The following LAMC1 variants were observed in gnomAD, a reference collection of about 807,000 sequenced individuals.
LAMC1 encodes the protein laminin subunit gamma 1.
A neutral mutation model predicts 173.6 loss-of-function variants in LAMC1; 38 were observed. The ratio of observed to expected loss-of-function variants is 0.22; its 90% CI spans 0.17 to 0.29. LAMC1 has a LOEUF of 0.29. Ranked by LOEUF, LAMC1 falls within the 10% of genes least tolerant of loss-of-function variation. The pLI, the probability that LAMC1 is intolerant of heterozygous loss-of-function variation, is 1.00. For synonymous variants in LAMC1, 746 were observed against 749.1 expected, an observed-to-expected ratio of 1.00 and a Z score of 0.07; for missense variants, 1,824 against 2,051.8, an observed-to-expected ratio of 0.89 and a Z score of 2.14.
At chr1:183,122,459 C>T (rs1301960561) in intron 13 of LAMC1, among the ~76,000 whole-genome samples, 1 of 152,168 alleles carries the variant, frequency 6.6e-6, no homozygotes, top group Non-Finnish European at 1.5e-5. Flanking sequence ...CAACCAAGGG[C>T]TTTCATGTCA....
At chr1:183,135,228 T>C in intron 24 of LAMC1, 72 bp downstream of exon 24, 1 of 880,848 alleles carries the variant, frequency 1.1e-6, no homozygotes, top group East Asian at 2.6e-5. Context: ...ATCATGACTT[T>C]TACCATATTT....
intron 1 of LAMC1, among the ~76,000 whole-genome samples, chr1:183,065,960 C>T (rs993695340): frequency 6.6e-6 from 1 of 152,160 alleles, no homozygotes; most frequent in Admixed American, 6.5e-5. Flanking sequence ...CTTTATCAAG[C>T]TACTTTAATA....
chr1:183,128,801 G>T (rs757085724), intron 18 of LAMC1, 51 bp downstream of exon 18: 1 of 1,422,088 alleles, frequency 7.0e-7, no homozygotes, highest in Non-Finnish European at 9.4e-7. Context: ...CCAATCTTTA[G>T]ATGTGGCTCC....
intron 1 of LAMC1, among the ~76,000 whole-genome samples, chr1:183,053,226 T>C (rs1243636166): frequency 6.6e-6 from 1 of 152,218 alleles, no homozygotes; most frequent in African/African-American, 2.4e-5. Context: ...TAATAGATCA[T>C]ATTTTCCCCA....
intron 1 of LAMC1, among the ~76,000 whole-genome samples, chr1:183,030,959 T>C (rs181124162): frequency 1.1e-3 from 171 of 152,252 alleles, no homozygotes; most frequent in Non-Finnish European, 2.1e-3. Context: ...GAATACCCAC[T>C]ACACCCCAGC....
chr1:183,143,745 AAAAC>A lies in LAMC1; in HGVS notation c.*958_*961del, dbSNP rs1657181153. The A allele has an allele frequency of 6.6e-6, 1 of 152,220 alleles. No individual in the cohort carries two copies. The highest frequency in any genetic ancestry group is 1.5e-5 in the Non-Finnish European group (1 of 68,032). 9.4% of individuals were successfully genotyped at this position (152,220 alleles called of 1,614,324 possible). A position where few individuals can be genotyped will look rare whatever the true frequency, so the allele number is the denominator to read the frequency against. On this transcript the variant is annotated 3_prime_UTR_variant, in exon 28 of 28. Coordinates refer to ENST00000258341, the MANE Select transcript of LAMC1 (RefSeq NM_002293.4). Reference sequence around the variant, plus strand: ...CCTAAGGTCTTGACAAAACAGAAGAAAAACAAGCCTCCTCGTCCTAGTCTTTTCT... The same window carrying A: ...CCTAAGGTCTTGACAAAACAGAAGAAAAGCCTCCTCGTCCTAGTCTTTTCT...
intron 2 of LAMC1, among the ~76,000 whole-genome samples, chr1:183,104,663 A>C (rs973124340): frequency 1.3e-5 from 2 of 151,930 alleles, no homozygotes; most frequent in Non-Finnish European, 2.9e-5. Flanking sequence ...ATGTTCAGGG[A>C]CTCTCTTTCT....
chr1:183,049,626 G>A (rs762052108), intron 1 of LAMC1, among the ~76,000 whole-genome samples: 3 of 151,940 alleles, frequency 2.0e-5, no homozygotes, highest in Non-Finnish European at 4.4e-5. Context: ...ACCATGCCCA[G>A]CTCATTTTTG....
At chr1:183,058,689 T>C (rs1654664776) in intron 1 of LAMC1, among the ~76,000 whole-genome samples, 1 of 152,254 alleles carries the variant, frequency 6.6e-6, no homozygotes, top group African/African-American at 2.4e-5. Context: ...CTCCTAAGAC[T>C]GTTTATGTAG....
rs1173308849 is a variant in LAMC1 at position 183,142,884 on chromosome 1, C to G, written c.*94C>G. 1.5e-6 allele frequency: 2 copies of G among 1,301,934 alleles called. No individual in the cohort carries two copies. The highest frequency in any genetic ancestry group is 2.1e-6 in the Non-Finnish European group (2 of 940,818). 80.6% of individuals were successfully genotyped at this position (1,301,934 alleles called of 1,614,324 possible). ...CACAAAGATTACATTTTTCAGACCC[C>G]CACTCCTCTGCTGCTGTCCATGACT... On this transcript the variant is annotated 3_prime_UTR_variant, in exon 28 of 28. Coordinates refer to ENST00000258341, the MANE Select transcript of LAMC1 (RefSeq NM_002293.4).
intron 1 of LAMC1, among the ~76,000 whole-genome samples, chr1:183,081,698 G>A (rs1655282118): frequency 6.6e-6 from 1 of 152,102 alleles, no homozygotes; most frequent in Admixed American, 6.6e-5. Flanking sequence ...CATAGCCTCT[G>A]CAATTGTCAA....
intron 1 of LAMC1, among the ~76,000 whole-genome samples, chr1:183,025,558 A>G (rs1370892334): frequency 1.3e-5 from 2 of 152,232 alleles, no homozygotes; most frequent in African/African-American, 4.8e-5. Flanking sequence ...AGACATAGCT[A>G]GTGACCGAGG....
Position 183,023,681 on chromosome 1 carries a change from C to T in LAMC1, c.-36C>T, listed in dbSNP as rs1653597475. ...TAGGCGAGAGGAACGCGCCGGTGCC[C>T]TTGCCTTCGCCGTGACCCAGCGTGC... On this transcript the variant is annotated 5_prime_UTR_variant, in exon 1 of 28. Coordinates refer to ENST00000258341, the MANE Select transcript of LAMC1 (RefSeq NM_002293.4). 3.4e-6 allele frequency: 4 copies of T among 1,161,250 alleles called. No individual in the cohort carries two copies. The highest frequency in any genetic ancestry group is 3.2e-6 in the Non-Finnish European group (3 of 941,028). The allele number at this position is 1,161,250 out of a possible 1,614,324, so 71.9% of individuals were successfully genotyped here. A position where few individuals can be genotyped will look rare whatever the true frequency, so the allele number is the denominator to read the frequency against.
chr1:183,125,808 A>T (rs1244536425), intron 15 of LAMC1, among the ~76,000 whole-genome samples: 4 of 152,162 alleles, frequency 2.6e-5, no homozygotes, highest in Non-Finnish European at 4.4e-5. Flanking sequence ...TTTCTGAGGC[A>T]CTTAGAATCA....
In LAMC1 at chr1:183,144,336, T is replaced by C. The variant is rs1657198925; in HGVS notation, c.*1546T>C. The C allele has an allele frequency of 6.6e-6, 1 of 152,646 alleles. No individual in the cohort carries two copies. The highest frequency in any genetic ancestry group is 1.5e-5 in the Non-Finnish European group (1 of 68,048). The allele number at this position is 152,646 out of a possible 1,614,324, so 9.5% of individuals were successfully genotyped here. A position where few individuals can be genotyped will look rare whatever the true frequency, so the allele number is the denominator to read the frequency against. ...TCATGATTATAGAATAAGGAATTTA[T>C]GTAAATATACTTAGTCCTATTTCTA... On this transcript the variant is annotated 3_prime_UTR_variant, in exon 28 of 28. Transcript: ENST00000258341.
chr1:183,105,069 AGTT>A (rs1176096745), intron 2 of LAMC1, among the ~76,000 whole-genome samples: 3 of 149,672 alleles, frequency 2.0e-5, no homozygotes, highest in South Asian at 2.1e-4. Context: ...AAAAAAAAAA[AGTT>A]AGTTAAGCAT....
At chr1:183,062,186 A>G (rs1438116479) in intron 1 of LAMC1, among the ~76,000 whole-genome samples, 1 of 152,252 alleles carries the variant, frequency 6.6e-6, no homozygotes, top group Non-Finnish European at 1.5e-5. Context: ...ACTTATTTCT[A>G]TATATTTTGT....
Position 183,136,603 on chromosome 1 carries a change from T to TC in LAMC1, c.4314+20dup. 3 of 1,562,726 alleles carry TC rather than the reference T, an allele frequency of 1.9e-6. No individual in the cohort carries two copies. Among genetic ancestry groups the TC allele is most frequent in the Non-Finnish European group, 2.6e-6 (3 of 1,149,566 alleles). Reference sequence around the variant, plus strand: ...TCCAAAAGGTGTGCGTTTCCTCTTCTCCAAGAGTCCCTGCCCATATCTTTC... The same window carrying TC: ...TCCAAAAGGTGTGCGTTTCCTCTTCTCCCAAGAGTCCCTGCCCATATCTTTC... On this transcript the variant is annotated intron_variant, in intron 25 of 27. Coordinates refer to ENST00000258341, the MANE Select transcript of LAMC1 (RefSeq NM_002293.4).
chr1:183,139,064 A>T (rs540315742), intron 26 of LAMC1, among the ~76,000 whole-genome samples: 16 of 152,002 alleles, frequency 1.1e-4, no homozygotes, highest in Admixed American at 2.0e-4. Context: ...AAATTCCCAT[A>T]AAAAAAATAG....
Sources: allele counts gnomAD v4.1 joint callset (sites outside exome capture counted in the v4.1 genomes callset), GRCh38; gene constraint gnomAD v4.1.1; transcripts MANE v1.5; gene names NCBI Gene and HGNC (gene_info 2026-07-23, HGNC 2026-07-21).